Variants in AQR observed in about 807,000 individuals in gnomAD.
AQR encodes aquarius intron-binding spliceosomal factor, also known as RNA helicase aquarius.
Under a neutral mutation model 180.5 loss-of-function variants are expected in AQR, and 61 were observed. The observed-to-expected ratio is 0.34, with a 90% CI of 0.28 to 0.42. The LOEUF is 0.42. Ranked by LOEUF, AQR falls within the 10% of genes least tolerant of loss-of-function variation. AQR has a pLI of 1.00. For synonymous variants in AQR, 551 were observed against 588.8 expected, an observed-to-expected ratio of 0.94 and a Z score of 0.93; for missense variants, 1,281 against 1,798.3, an observed-to-expected ratio of 0.71 and a Z score of 5.20.
intron 34 of AQR, 89 bp downstream of exon 34, chr15:34,859,953 A>C: frequency 1.8e-6 from 1 of 553,508 alleles, no homozygotes; most frequent in Non-Finnish European, 2.8e-6. Flanking sequence ...GATTTCCCAC[A>C]AGGAATTAGG....
chr15:34,896,026 A>C (rs1187607006), intron 22 of AQR, among the ~76,000 whole-genome samples: 1 of 152,246 alleles, frequency 6.6e-6, no homozygotes, highest in Non-Finnish European at 1.5e-5. Flanking sequence ...TTCTCTGACC[A>C]AAATAGACTT....
chr15:34,953,314 A>C (rs1319228759), intron 3 of AQR, among the ~76,000 whole-genome samples: 2 of 152,228 alleles, frequency 1.3e-5, no homozygotes, highest in African/African-American at 4.8e-5. Flanking sequence ...TTTTATATGA[A>C]TAAACAATGA....
chr15:34,909,531 T>C (rs1024403775), intron 17 of AQR, among the ~76,000 whole-genome samples: 1 of 152,248 alleles, frequency 6.6e-6, no homozygotes, highest in African/African-American at 2.4e-5. Context: ...TTGACTTCAC[T>C]GACTCTTTAT....
chr15:34,923,928 T>G (rs1287797901), intron 13 of AQR, among the ~76,000 whole-genome samples: 6 of 152,242 alleles, frequency 3.9e-5, no homozygotes, highest in Non-Finnish European at 7.3e-5. Flanking sequence ...ATTTTTAAAA[T>G]AAGTTTGTCA....
chr15:34,949,303 T>C (rs114180637), intron 4 of AQR, among the ~76,000 whole-genome samples: 3,000 of 52,720 alleles, frequency 0.057, 103 homozygotes, highest in African/African-American at 0.087. Flanking sequence ...GCCTTTAACT[T>C]TAAGGCTCTT....
intron 23 of AQR, 54 bp downstream of exon 23, chr15:34,893,609 A>ACACG (rs1893185109): frequency 1.5e-5 from 6 of 402,352 alleles, no homozygotes; most frequent in Non-Finnish European, 2.2e-5. Flanking sequence ...GCATGCGTGC[A>ACACG]CACACACACA....
intron 22 of AQR, among the ~76,000 whole-genome samples, chr15:34,895,812 CAAT>C (rs1466172794): frequency 3.9e-5 from 6 of 152,016 alleles, no homozygotes; most frequent in Non-Finnish European, 7.4e-5. Flanking sequence ...AGAAAATCAG[CAAT>C]AATAGAGAAA....
At chr15:34,904,216 T>C (rs941470680) in intron 19 of AQR, 120 bp downstream of exon 19, 10 of 616,250 alleles carry the variant, frequency 1.6e-5, no homozygotes, top group Non-Finnish European at 2.5e-5. Context: ...ATAGTAAAAA[T>C]AAAAGCAGTC....
At chr15:34,862,798 C>G in intron 33 of AQR, 69 bp downstream of exon 33, 1 of 1,513,130 alleles carries the variant, frequency 6.6e-7, no homozygotes, top group Non-Finnish European at 9.1e-7. Flanking sequence ...CTAATGTGGT[C>G]ACCTATAAGA....
chr15:34,885,423 A>G lies in AQR; in HGVS notation c.2818-689T>C, dbSNP rs544495398. ...TTATGCAAAATATCTGAGGAGCTAA[A>G]TAAAAATGTGGATTCCTGGATTCCA... On this transcript the variant is annotated intron_variant, in intron 25 of 34. Coordinates refer to ENST00000156471, the MANE Select transcript of AQR (RefSeq NM_014691.3). Among the ~76,000 whole-genome samples the G allele has an allele frequency of 1.5e-4, 23 of 152,298 alleles. 1 individual carries two copies. In the East Asian group the frequency reaches 4.4e-3, roughly 29 times the overall value.
At chr15:34,886,981 C>T (rs762151517) in intron 24 of AQR, among the ~76,000 whole-genome samples, 2 of 151,746 alleles carry the variant, frequency 1.3e-5, no homozygotes, top group Non-Finnish European at 2.9e-5. Context: ...AAAAATTAGC[C>T]GGGCATGGTG....
rs11321995 is a variant in AQR, at chr15:34,871,956, T to TAA, written c.3598-1036_3598-1035dup. Among the ~76,000 whole-genome samples, 143 of 136,482 alleles carry TAA rather than the reference T, an allele frequency of 1.0e-3. 1 individual carries two copies. Among genetic ancestry groups the TAA allele is most frequent in the African/African-American group, 3.8e-3 (140 of 37,280 alleles). 89.5% of individuals were successfully genotyped at this position (136,482 alleles called of 152,430 possible). ...AAAATAAGAATATAAACACAATATT[T>TAA]AAAAAAAAAAAAAAAGGAAGCTGGA... On this transcript the variant is annotated intron_variant, in intron 30 of 34. Transcript: ENST00000156471.
At chr15:34,964,984 A>T (rs78407032) in intron 1 of AQR, among the ~76,000 whole-genome samples, 1,571 of 152,304 alleles carry the variant, frequency 0.01, 31 homozygotes, top group African/African-American at 0.036. Context: ...AAGACTCAAT[A>T]TATTTATAAA....
At chr15:34,968,309 GTGGCGCGAT>G (rs2050322765) in intron 1 of AQR, among the ~76,000 whole-genome samples, 2 of 147,584 alleles carry the variant, frequency 1.4e-5, no homozygotes, top group African/African-American at 5.0e-5. Flanking sequence ...CTGGAGTGCA[GTGGCGCGAT>G]CTCGGCTCAC....
chr15:34,881,726 T>A (rs561301445), intron 27 of AQR, among the ~76,000 whole-genome samples: 1 of 152,326 alleles, frequency 6.6e-6, no homozygotes, highest in Admixed American at 6.5e-5. Flanking sequence ...AGTACACAAA[T>A]AACTGGAATG....
intron 23 of AQR, 103 bp from the exon 24 acceptor site, chr15:34,890,427 T>C: frequency 1.1e-6 from 1 of 878,068 alleles, no homozygotes; most frequent in Non-Finnish European, 1.8e-6. Flanking sequence ...AGCCTTATAT[T>C]AGGCCATTTA....
chr15:34,878,100 T>C, intron 27 of AQR, among the ~76,000 whole-genome samples: 1 of 152,018 alleles, frequency 6.6e-6, no homozygotes, highest in East Asian at 1.9e-4. Context: ...AAAATGGAGG[T>C]ATCTTGTGGT....
At chr15:34,888,863 T>C (rs1371455889) in intron 24 of AQR, among the ~76,000 whole-genome samples, 4 of 152,216 alleles carry the variant, frequency 2.6e-5, no homozygotes, top group Non-Finnish European at 5.9e-5. Context: ...ACTTTTATTG[T>C]GAAACAATAG....
chr15:34,863,067 G>C, intron 32 of AQR, 26 bp from the exon 33 acceptor site: 1 of 1,587,720 alleles, frequency 6.3e-7, no homozygotes, highest in Non-Finnish European at 8.6e-7. Context: ...AAAATAATTA[G>C]CACACTTCAA....
Sources: gnomAD v4.1 joint callset for allele counts (sites outside exome capture counted in the v4.1 genomes callset) on GRCh38, gnomAD v4.1.1 for gene constraint, MANE v1.5 for transcripts, NCBI Gene and HGNC (gene_info 2026-07-23, HGNC 2026-07-21) for gene names.